The following ADGRB3 variants were observed in gnomAD, a reference collection of about 807,000 sequenced individuals.
The protein encoded by ADGRB3 is adhesion G protein-coupled receptor B3, also known as brain-specific angiogenesis inhibitor 3.
In ADGRB3, 37 loss-of-function variants were observed where a neutral mutation model predicts 193.4. The observed-to-expected ratio is 0.19, with a 90% CI of 0.15 to 0.25. The LOEUF (loss-of-function observed/expected upper bound fraction) is 0.25. ADGRB3 is among the 10% of genes least tolerant of loss of function. The probability of loss-of-function intolerance (pLI) is 1.00; values close to 1 mark genes in which losing one functional copy is unlikely to be tolerated. For synonymous variants in ADGRB3, 690 were observed against 644.2 expected, an observed-to-expected ratio of 1.07 and a Z score of -1.08; for missense variants, 1,637 against 1,852.9, an observed-to-expected ratio of 0.88 and a Z score of 2.14.
At chr6:69,207,225 G>A (rs1481525689) in intron 17 of ADGRB3, among the ~76,000 whole-genome samples, 1 of 152,112 alleles carries the variant, frequency 6.6e-6, no homozygotes, top group East Asian at 1.9e-4. Flanking sequence ...ATGTAATGTC[G>A]CAGGAATGGG....
At chr6:68,749,847 A>G (rs1209499260) in intron 3 of ADGRB3, among the ~76,000 whole-genome samples, 14 of 152,184 alleles carry the variant, frequency 9.2e-5, no homozygotes, top group Non-Finnish European at 2.9e-5. Context: ...TGATGGTCAT[A>G]TTGATGACAC....
chr6:68,719,756 C>G (rs1440726086), intron 3 of ADGRB3, among the ~76,000 whole-genome samples: 4 of 151,358 alleles, frequency 2.6e-5, no homozygotes, highest in Non-Finnish European at 4.4e-5. Flanking sequence ...GGTCTTTCAA[C>G]ATTTCATTGA....
Position 69,164,609 on chromosome 6 carries a change from G to A in ADGRB3, c.2481-68681G>A, listed in dbSNP as rs369727590. Among the ~76,000 whole-genome samples the A allele has an allele frequency of 1.2e-3, 186 of 152,200 alleles. 2 individuals carry two copies. The South Asian group carries it at 0.031, about 25-fold the overall frequency. On this transcript the variant is annotated intron_variant, in intron 17 of 31. Transcript: ENST00000370598. ...TAGCACCAGCCTAGAAGCCCATGTA[G>A]GTAAGTTTACTGTCAGTAGAGATAA...
chr6:68,879,402 G>T (rs1038836785), intron 3 of ADGRB3, among the ~76,000 whole-genome samples: 2 of 151,258 alleles, frequency 1.3e-5, no homozygotes, highest in African/African-American at 2.4e-5. Flanking sequence ...ATATTTTTTT[G>T]TATTTTTAGT....
chr6:69,105,632 C>T (rs1460921610), intron 17 of ADGRB3, among the ~76,000 whole-genome samples: 1 of 152,168 alleles, frequency 6.6e-6, no homozygotes, highest in East Asian at 1.9e-4. Flanking sequence ...AATACTATTG[C>T]TTCAGGCTTT....
At chr6:69,108,048 GAAAAAAA>G (rs113477087) in intron 17 of ADGRB3, among the ~76,000 whole-genome samples, 42 of 132,132 alleles carry the variant, frequency 3.2e-4, no homozygotes, top group African/African-American at 1.2e-3. Flanking sequence ...AATAAAAATT[GAAAAAAA>G]AAAAAAAGTC....
At chr6:69,376,453 A>G (rs1242911653) in intron 30 of ADGRB3, among the ~76,000 whole-genome samples, 1 of 151,962 alleles carries the variant, frequency 6.6e-6, no homozygotes, top group Non-Finnish European at 1.5e-5. Flanking sequence ...AATGAGCTCC[A>G]TACTTCCACT....
chr6:68,710,304 G>C (rs970735998), intron 3 of ADGRB3, among the ~76,000 whole-genome samples: 5 of 152,130 alleles, frequency 3.3e-5, no homozygotes, highest in Non-Finnish European at 5.9e-5. Context: ...CTCTGGTGCT[G>C]TGGGTTTCTG....
At chr6:69,283,312 C>T (rs1470171393) in intron 20 of ADGRB3, among the ~76,000 whole-genome samples, 2 of 151,970 alleles carry the variant, frequency 1.3e-5, no homozygotes, top group Non-Finnish European at 2.9e-5. Flanking sequence ...CCCATGATAC[C>T]CCAGAGAGCA....
At chr6:69,004,493 C>T (rs888007668) in intron 11 of ADGRB3, among the ~76,000 whole-genome samples, 1 of 151,856 alleles carries the variant, frequency 6.6e-6, no homozygotes, top group African/African-American at 2.4e-5. Context: ...ATACATGTGC[C>T]ATGTTGGTGT....
chr6:68,751,205 T>C (rs1336744527), intron 3 of ADGRB3, among the ~76,000 whole-genome samples: 2 of 152,214 alleles, frequency 1.3e-5, no homozygotes, highest in Admixed American at 1.3e-4. Flanking sequence ...ACTGCTCTCA[T>C]GCTTCATAAC....
At chr6:68,727,188 G>GT (rs1445548268) in intron 3 of ADGRB3, among the ~76,000 whole-genome samples, 3 of 151,492 alleles carry the variant, frequency 2.0e-5, no homozygotes, top group Non-Finnish European at 4.4e-5. Flanking sequence ...GTGGAGCAAA[G>GT]TTTTCAAAGT....
intron 20 of ADGRB3, among the ~76,000 whole-genome samples, chr6:69,253,996 G>A (rs1766688744): frequency 6.6e-6 from 1 of 152,070 alleles, no homozygotes; most frequent in African/African-American, 2.4e-5. Context: ...TTCCCTTCCA[G>A]GCAGTCAGAA....
chr6:69,271,159 G>T (rs1767166363), intron 20 of ADGRB3, among the ~76,000 whole-genome samples: 1 of 152,146 alleles, frequency 6.6e-6, no homozygotes, highest in Admixed American at 6.6e-5. Context: ...ATGTAAATAT[G>T]AAACAAAGCT....
At chr6:68,759,386 A>AGTTCTTTT (rs1401025025) in intron 3 of ADGRB3, among the ~76,000 whole-genome samples, 1 of 152,068 alleles carries the variant, frequency 6.6e-6, no homozygotes, top group Admixed American at 6.6e-5. Flanking sequence ...TTTTCTTTTA[A>AGTTCTTTT]ATATTTTATT....
intron 3 of ADGRB3, among the ~76,000 whole-genome samples, chr6:68,895,032 G>A (rs1766180704): frequency 6.6e-6 from 1 of 151,774 alleles, no homozygotes; most frequent in Admixed American, 6.6e-5. Flanking sequence ...GCAGTTAGTG[G>A]AGAAAATTAT....
chr6:68,823,651 T>G (rs1027642655), intron 3 of ADGRB3, among the ~76,000 whole-genome samples: 1 of 152,074 alleles, frequency 6.6e-6, no homozygotes, highest in African/African-American at 2.4e-5. Context: ...ACTAACAATC[T>G]TGATGCAAAA....
intron 3 of ADGRB3, among the ~76,000 whole-genome samples, chr6:68,858,943 G>C (rs563447670): frequency 3.9e-5 from 6 of 152,132 alleles, no homozygotes; most frequent in Non-Finnish European, 7.3e-5. Context: ...TTAGCATTTG[G>C]CTCCTTATTA....
rs545936344 is a variant in ADGRB3, at chr6:69,339,788, T to C, written c.3459+284T>C. Among the ~76,000 whole-genome samples the C allele has an allele frequency of 2.0e-5, 3 of 152,276 alleles. No homozygotes were observed. The South Asian group carries it at 6.2e-4, about 32-fold the overall frequency. On this transcript the variant is annotated intron_variant, in intron 26 of 31. Coordinates refer to ENST00000370598, the MANE Select transcript of ADGRB3 (RefSeq NM_001704.3). Reference sequence around the variant, plus strand: ...TTTAAAAGAAGCTACATGGAGTGATTTGTATAAATAAGTCTTGTTAGAAAA... The same window carrying C: ...TTTAAAAGAAGCTACATGGAGTGATCTGTATAAATAAGTCTTGTTAGAAAA...
Sources: gnomAD v4.1 joint callset for allele counts (sites outside exome capture counted in the v4.1 genomes callset) on GRCh38, gnomAD v4.1.1 for gene constraint, MANE v1.5 for transcripts, NCBI Gene and HGNC (gene_info 2026-07-23, HGNC 2026-07-21) for gene names.